AVEN: variants seen among roughly 807,000 people sequenced by gnomAD.
AVEN encodes apoptosis and caspase activation inhibitor, also known as cell death regulator Aven.
A neutral mutation model predicts 38.1 loss-of-function variants in AVEN; 41 were observed. The ratio of observed to expected loss-of-function variants is 1.08; its 90% CI spans 0.84 to 1.40. The LOEUF (loss-of-function observed/expected upper bound fraction) is 1.40. Among genes scored for constraint, AVEN ranks in the 40% most tolerant of loss-of-function variants. AVEN has a pLI of 0.00. For synonymous variants in AVEN, 206 were observed against 171.8 expected, an observed-to-expected ratio of 1.20 and a Z score of -1.56; for missense variants, 605 against 438.8, an observed-to-expected ratio of 1.38 and a Z score of -3.38.
intron 2 of AVEN, among the ~76,000 whole-genome samples, chr15:33,901,733 A>G (rs2153043307): frequency 6.6e-6 from 1 of 152,302 alleles, no homozygotes. Context: ...ATCTCATGGT[A>G]GTTTTAATTT....
chr15:33,929,728 T>C (rs987459358), intron 2 of AVEN, among the ~76,000 whole-genome samples: 2 of 152,176 alleles, frequency 1.3e-5, no homozygotes, highest in African/African-American at 4.8e-5. Context: ...GATCAAAACA[T>C]CTTTTAACAA....
intron 11 of AVEN, chr15:33,859,758 G>C: frequency 1.3e-6 from 2 of 1,588,136 alleles, no homozygotes; most frequent in Non-Finnish European, 1.7e-6. Flanking sequence ...TGTTGAGTAT[G>C]AACAGGGTTT....
At chr15:33,983,492 G>A (rs16954030) in intron 2 of AVEN, among the ~76,000 whole-genome samples, 40,051 of 151,632 alleles carry the variant, frequency 0.26, 7,330 homozygotes, top group African/African-American at 0.5. Flanking sequence ...TAAATAAAAA[G>A]GGCAAGTATT....
At chr15:34,038,706 C>CT in intron 1 of AVEN, 74 bp downstream of exon 1, 1 of 1,107,472 alleles carries the variant, frequency 9.0e-7, no homozygotes, top group Non-Finnish European at 1.1e-6. Flanking sequence ...TCTCTTGCGG[C>CT]TCTTGACTGG....
At chr15:33,930,779 C>G (rs1893812315) in intron 2 of AVEN, among the ~76,000 whole-genome samples, 1 of 152,024 alleles carries the variant, frequency 6.6e-6, no homozygotes, top group South Asian at 2.1e-4. Context: ...CATGGTGAAA[C>G]CCCATCTCTA....
chr15:34,036,510 T>G (rs1899135033), intron 1 of AVEN, among the ~76,000 whole-genome samples: 1 of 152,152 alleles, frequency 6.6e-6, no homozygotes, highest in African/African-American at 2.4e-5. Flanking sequence ...ACAAGAAGGC[T>G]TCAGGAAAGT....
chr15:33,855,904 C>T (rs1412700070), downstream of AVEN: 1 of 152,140 alleles, frequency 6.6e-6, no homozygotes, highest in Non-Finnish European at 1.5e-5. Flanking sequence ...TTTAGCATTT[C>T]ATTCCTCATT....
At position 33,961,833 on chromosome 15, in the gene AVEN, A is replaced by G. The variant is rs891367172; in HGVS notation, c.445+41199T>C. On this transcript the variant is annotated intron_variant, in intron 2 of 5. Coordinates refer to ENST00000306730, the MANE Select transcript of AVEN (RefSeq NM_020371.3). ...GTCTCAAAAAAAAAAAAAAAAAAAA[A>G]AAAAAGAAAACGAAGTGCCTGATCA... 1.1e-3 allele frequency among the ~76,000 whole-genome samples: 168 copies of G among 150,852 alleles called. 2 individuals are homozygous for G. Among genetic ancestry groups the G allele is most frequent in the Non-Finnish European group, 1.7e-3 (117 of 67,582 alleles).
chr15:34,045,396 C>T (rs190809397), intron 5 of AVEN, among the ~76,000 whole-genome samples: 1 of 152,296 alleles, frequency 6.6e-6, no homozygotes, highest in East Asian at 1.9e-4. Context: ...ATATATCTTA[C>T]TTTAAAATAT....
intron 2 of AVEN, among the ~76,000 whole-genome samples, chr15:33,915,493 A>T (rs891915289): frequency 6.6e-6 from 1 of 152,210 alleles, no homozygotes; most frequent in Admixed American, 6.5e-5. Flanking sequence ...ACAGGAGTAG[A>T]AGAAGCAGCG....
At chr15:34,032,794 C>A (rs1898920786) in intron 1 of AVEN, among the ~76,000 whole-genome samples, 2 of 152,140 alleles carry the variant, frequency 1.3e-5, no homozygotes, top group East Asian at 3.8e-4. Flanking sequence ...ATTCCCCAAG[C>A]CTCAACAATA....
intron 1 of AVEN, among the ~76,000 whole-genome samples, chr15:34,011,432 T>C (rs957312495): frequency 1.3e-5 from 2 of 152,204 alleles, no homozygotes; most frequent in Non-Finnish European, 2.9e-5. Flanking sequence ...GTATATGGCA[T>C]ATATGTGAAT....
downstream of AVEN, among the ~76,000 whole-genome samples, chr15:33,857,369 C>T (rs988826718): frequency 6.6e-6 from 1 of 151,868 alleles, no homozygotes; most frequent in Non-Finnish European, 1.5e-5. Flanking sequence ...TCTGTGTCTC[C>T]AACTCCTTTT....
chr15:33,960,250 T>C (rs1377547456), intron 2 of AVEN, among the ~76,000 whole-genome samples: 2 of 152,146 alleles, frequency 1.3e-5, no homozygotes, highest in African/African-American at 4.8e-5. Context: ...TAAATAGAAT[T>C]TTAAATGTCA....
intron 2 of AVEN, among the ~76,000 whole-genome samples, chr15:33,886,192 T>C (rs1405103671): frequency 2.0e-5 from 3 of 152,152 alleles, no homozygotes; most frequent in African/African-American, 7.2e-5. Flanking sequence ...TCATCTTGAA[T>C]TGTAGTTCCC....
At chr15:34,001,738 A>G (rs1181272832) in intron 2 of AVEN, among the ~76,000 whole-genome samples, 1 of 152,132 alleles carries the variant, frequency 6.6e-6, no homozygotes, top group Non-Finnish European at 1.5e-5. Flanking sequence ...CCTGACTCAC[A>G]ATTTTATGAT....
chr15:34,049,704 A>G (rs1045373085), intron 5 of AVEN, among the ~76,000 whole-genome samples: 1 of 152,244 alleles, frequency 6.6e-6, no homozygotes. Context: ...ATACTCCACA[A>G]GAAGATCAAC....
intron 2 of AVEN, among the ~76,000 whole-genome samples, chr15:33,967,153 T>C (rs531046578): frequency 6.6e-6 from 1 of 152,254 alleles, no homozygotes; most frequent in African/African-American, 2.4e-5. Context: ...TTCTCTTGCA[T>C]AAATATTCCT....
chr15:33,984,831 C>T (rs1896353262), intron 2 of AVEN, among the ~76,000 whole-genome samples: 1 of 152,070 alleles, frequency 6.6e-6, no homozygotes, highest in South Asian at 2.1e-4. Flanking sequence ...AAATCACACC[C>T]AATAACCACA....
Sources: allele counts gnomAD v4.1 joint callset (sites outside exome capture counted in the v4.1 genomes callset), GRCh38; gene constraint gnomAD v4.1.1; transcripts MANE v1.5; gene names NCBI Gene and HGNC (gene_info 2026-07-23, HGNC 2026-07-21).